The following PMPCB variants were observed in gnomAD, a reference collection of about 807,000 sequenced individuals.
The protein encoded by PMPCB is peptidase, mitochondrial processing subunit beta.
In PMPCB, 46 loss-of-function variants were observed where a neutral mutation model predicts 61.5. That is an observed-to-expected ratio of 0.75 (90% CI 0.59 to 0.96). The LOEUF (loss-of-function observed/expected upper bound fraction) is 0.96. Among genes scored for constraint, PMPCB ranks in the 40% least tolerant of loss-of-function variants. The pLI is 0.00. For missense variants in PMPCB, 590 were observed against 602.4 expected (o/e 0.98, Z 0.22); for synonymous variants, 191 against 201.6 (o/e 0.95, Z 0.44).
intron 12 of PMPCB, among the ~76,000 whole-genome samples, chr7:103,325,482 A>G (rs1345263499): frequency 2.0e-5 from 3 of 151,802 alleles, no homozygotes; most frequent in Non-Finnish European, 4.4e-5. Flanking sequence ...GGTGAAATCC[A>G]AGGGAGAAAG....
chr7:103,340,060 A>T, the PMPCB span, among the ~76,000 whole-genome samples: 1 of 151,570 alleles, frequency 6.6e-6, no homozygotes, highest in Non-Finnish European at 1.5e-5. Flanking sequence ...CTGGTCTCGA[A>T]CTCCTGACCT....
chr7:103,329,766 A>G (rs1818890164), downstream of PMPCB, among the ~76,000 whole-genome samples: 1 of 152,290 alleles, frequency 6.6e-6, no homozygotes, highest in Non-Finnish European at 1.5e-5. Flanking sequence ...ACAGCTTTCT[A>G]ATATATTTGA....
chr7:103,298,002 T>TTTAA, intron 1 of PMPCB: 1 of 1,074,414 alleles, frequency 9.3e-7, no homozygotes, highest in Non-Finnish European at 1.2e-6. Context: ...AGCCTCTGAC[T>TTTAA]TTAAGCAAAG....
downstream of PMPCB, among the ~76,000 whole-genome samples, chr7:103,331,468 G>T (rs528961594): frequency 1.3e-5 from 2 of 151,972 alleles, no homozygotes; most frequent in African/African-American, 4.8e-5. Flanking sequence ...CCTTCTAATT[G>T]TATGTTTGTA....
chr7:103,311,730 TA>T lies in PMPCB; in HGVS notation c.1240+7del. 1 of 1,612,714 alleles carries T rather than the reference TA, an allele frequency of 6.2e-7. No individual in the cohort carries two copies. Among genetic ancestry groups the T allele is most frequent in the Non-Finnish European group, 8.5e-7 (1 of 1,178,766 alleles). ...CAAACATGTTGTTGCAGCTTGATGGTAAAAATAAAGATATAGGTTCTGTTTT... is the reference window on the plus strand; with the variant it reads ...CAAACATGTTGTTGCAGCTTGATGGTAAAATAAAGATATAGGTTCTGTTTT... On this transcript the variant is annotated splice_donor_region_variant and intron_variant, in intron 10 of 12. Coordinates refer to ENST00000249269, the MANE Select transcript of PMPCB (RefSeq NM_004279.3).
intron 12 of PMPCB, chr7:103,322,180 A>C: frequency 7.8e-6 from 7 of 902,512 alleles, no homozygotes; most frequent in Non-Finnish European, 1.1e-5. Flanking sequence ...TTATATTAGG[A>C]AAAAAGGCAA....
chr7:103,323,618 TTCTTCA>T, intron 12 of PMPCB: 1 of 1,466,654 alleles, frequency 6.8e-7, no homozygotes, highest in Non-Finnish European at 9.3e-7. Flanking sequence ...TTTCTTTTTC[TTCTTCA>T]TCTAAATAAG....
At chr7:103,309,895 TATTTC>T (rs1817689609) in intron 8 of PMPCB, among the ~76,000 whole-genome samples, 1 of 152,230 alleles carries the variant, frequency 6.6e-6, no homozygotes, top group Non-Finnish European at 1.5e-5. Context: ...AAGTTGGAAT[TATTTC>T]AAAACACATT....
intron 1 of PMPCB, among the ~76,000 whole-genome samples, chr7:103,298,241 T>C (rs1472251847): frequency 6.6e-6 from 1 of 152,150 alleles, no homozygotes; most frequent in Non-Finnish European, 1.5e-5. Flanking sequence ...CTCTTTTTTT[T>C]TTTCCTGCTT....
the PMPCB span, among the ~76,000 whole-genome samples, chr7:103,338,510 T>G: frequency 6.6e-6 from 1 of 151,280 alleles, no homozygotes; most frequent in Non-Finnish European, 1.5e-5. Context: ...TTGGTCAGGC[T>G]GGTCTCGAAC....
chr7:103,300,346 A>G (rs77165270), intron 4 of PMPCB, 39 bp downstream of exon 4: 19 of 1,489,106 alleles, frequency 1.3e-5, no homozygotes, highest in African/African-American at 7.0e-5. Flanking sequence ...TGTAATTTTC[A>G]TGAGAATCAG....
chr7:103,322,685 T>TA, intron 12 of PMPCB: 1 of 1,612,798 alleles, frequency 6.2e-7, no homozygotes, highest in Admixed American at 1.7e-5. Flanking sequence ...TTAGGGGACT[T>TA]AAATCAATTC....
At chr7:103,301,520 A>C (rs1817450304) in intron 4 of PMPCB, among the ~76,000 whole-genome samples, 1 of 152,186 alleles carries the variant, frequency 6.6e-6, no homozygotes, top group Non-Finnish European at 1.5e-5. Context: ...CAAAAAGGAG[A>C]AACAGAAAAA....
intron 12 of PMPCB, 37 bp from the exon 13 acceptor site, chr7:103,312,170 C>G: frequency 6.2e-7 from 1 of 1,613,944 alleles, no homozygotes; most frequent in Non-Finnish European, 8.5e-7. Context: ...AAAAGTTGGC[C>G]AAGTACTTTT....
chr7:103,325,715 G>T (rs1207322474), intron 12 of PMPCB, among the ~76,000 whole-genome samples: 1 of 151,048 alleles, frequency 6.6e-6, no homozygotes, highest in Non-Finnish European at 1.5e-5. Flanking sequence ...CAATGCAGAT[G>T]GAAAAAAAAG....
intron 1 of PMPCB, among the ~76,000 whole-genome samples, chr7:103,298,270 A>G (rs574806219): frequency 1.3e-5 from 2 of 151,690 alleles, no homozygotes; most frequent in African/African-American, 4.8e-5. Flanking sequence ...CATAATGAAT[A>G]TAAAACATTT....
chr7:103,300,242 A>G lies in PMPCB; in HGVS notation c.392A>G (p.Asn131Ser). The G allele has an allele frequency of 3.1e-6, 5 of 1,611,934 alleles. No individual in the cohort carries two copies. The highest frequency in any genetic ancestry group is 4.2e-6 in the Non-Finnish European group (5 of 1,178,092). The change falls in exon 4 of 13, where the codon AAT (asparagine) becomes AGT (serine). Residue 131 changes from asparagine to serine, a missense_variant. Physicochemically the swap from Asn to Ser is conservative, Grantham distance 46. Coordinates refer to ENST00000249269, the MANE Select transcript of PMPCB (RefSeq NM_004279.3). ...LEIENMGAHL[N>S]AYTSREQTVY... ...ATTGAAAATATGGGTGCTCATCTCA[A>G]TGCCTATACCTCCAGAGAGCAGACT... is the stretch of plus-strand genomic sequence containing the variant.
chr7:103,312,351 C>A lies in PMPCB; in HGVS notation c.*80C>A. On this transcript the variant is annotated 3_prime_UTR_variant, in exon 13 of 13. Coordinates refer to ENST00000249269, the MANE Select transcript of PMPCB (RefSeq NM_004279.3). ...AAAAATAAAAATGAACATGTATATACATTTGGAAATTTGAATTAAATACTG... is the reference window on the plus strand; with the variant it reads ...AAAAATAAAAATGAACATGTATATAAATTTGGAAATTTGAATTAAATACTG... The A allele has an allele frequency of 6.4e-7, 1 of 1,573,208 alleles. No individual in the cohort carries two copies.
At chr7:103,337,340 AG>A in the PMPCB span, 3 of 157,716 alleles carry the variant, frequency 1.9e-5, no homozygotes, top group Admixed American at 1.9e-4. Context: ...ATATCTACAA[AG>A]GTGTGACCTA....
Sources: allele counts gnomAD v4.1 joint callset (sites outside exome capture counted in the v4.1 genomes callset), GRCh38; gene constraint gnomAD v4.1.1; transcripts MANE v1.5; gene names NCBI Gene and HGNC (gene_info 2026-07-23, HGNC 2026-07-21).